Variants in USP32 observed in about 807,000 individuals in gnomAD.
USP32 encodes the protein ubiquitin carboxyl-terminal hydrolase 32.
Under a neutral mutation model 204.8 loss-of-function variants are expected in USP32, and 59 were observed. The observed-to-expected ratio is 0.29, with a 90% CI of 0.23 to 0.36. USP32 has a LOEUF of 0.36. Among genes scored for constraint, USP32 ranks in the 10% least tolerant of loss-of-function variants. USP32 has a pLI of 1.00. For synonymous variants in USP32, 517 were observed against 678.4 expected (o/e 0.76, Z 3.70); for missense variants, 1,160 against 1,946.4 (o/e 0.60, Z 7.60).
intron 9 of USP32, among the ~76,000 whole-genome samples, chr17:60,259,243 C>A (rs1452666944): frequency 6.6e-6 from 1 of 152,088 alleles, no homozygotes. Flanking sequence ...AACCTGCGGT[C>A]TCTTTAGTTT....
intron 5 of USP32, among the ~76,000 whole-genome samples, chr17:60,273,790 T>C (rs1473689925): frequency 6.6e-6 from 1 of 151,782 alleles, no homozygotes; most frequent in Non-Finnish European, 1.5e-5. Context: ...GAAACCCCCA[T>C]CGCTACTAAA....
chr17:60,371,275 A>T (rs1260792666), intron 1 of USP32, among the ~76,000 whole-genome samples: 2 of 150,100 alleles, frequency 1.3e-5, no homozygotes, highest in Admixed American at 6.6e-5. Flanking sequence ...AAAAAAAAAA[A>T]AAATTAAATG....
intron 2 of USP32, among the ~76,000 whole-genome samples, chr17:60,318,258 T>C (rs757959164): frequency 6.6e-6 from 1 of 152,220 alleles, no homozygotes; most frequent in East Asian, 1.9e-4. Flanking sequence ...TATAAAGATA[T>C]AGAAGAAGAT....
chr17:60,346,061 T>C (rs1321614180), intron 1 of USP32, among the ~76,000 whole-genome samples: 1 of 152,046 alleles, frequency 6.6e-6, no homozygotes, highest in African/African-American at 2.4e-5. Context: ...TAAAACTCTA[T>C]GACATTTAGT....
At chr17:60,294,419 T>C (rs931245717) in intron 4 of USP32, among the ~76,000 whole-genome samples, 25 of 152,026 alleles carry the variant, frequency 1.6e-4, no homozygotes, top group African/African-American at 6.0e-4. Flanking sequence ...TATTACTGTG[T>C]TAGTGTGAGT....
At chr17:60,378,881 T>C (rs2089598169) in intron 1 of USP32, among the ~76,000 whole-genome samples, 1 of 152,216 alleles carries the variant, frequency 6.6e-6, no homozygotes, top group Non-Finnish European at 1.5e-5. Context: ...TGCCACTAAT[T>C]GTACATTTTT....
At chr17:60,416,974 G>A (rs1451058699) in intron 1 of USP32, among the ~76,000 whole-genome samples, 1 of 150,072 alleles carries the variant, frequency 6.7e-6, no homozygotes, top group Non-Finnish European at 1.5e-5. Flanking sequence ...TTGGAGTACA[G>A]TGGTGTGATC....
At chr17:60,382,060 T>C (rs2089655338) in intron 1 of USP32, among the ~76,000 whole-genome samples, 1 of 152,252 alleles carries the variant, frequency 6.6e-6, no homozygotes, top group Admixed American at 6.5e-5. Flanking sequence ...CCTGACAAGA[T>C]TTAGTGTCTT....
intron 5 of USP32, among the ~76,000 whole-genome samples, chr17:60,276,967 A>ATATATATATATATATATATAT (rs1555606786): frequency 7.1e-6 from 1 of 141,272 alleles, no homozygotes; most frequent in African/African-American, 3.1e-5. Context: ...ATATATATAT[A>ATATATATATATATATATATAT]AAATTACCAA....
chr17:60,411,214 A>G (rs2090015581), intron 1 of USP32, among the ~76,000 whole-genome samples: 1 of 151,788 alleles, frequency 6.6e-6, no homozygotes, highest in Admixed American at 6.6e-5. Context: ...AATCCCAGCT[A>G]TTTGGGGGCT....
At chr17:60,266,955 A>G (rs760727401) in intron 7 of USP32, among the ~76,000 whole-genome samples, 1 of 148,600 alleles carries the variant, frequency 6.7e-6, no homozygotes, top group African/African-American at 2.5e-5. Flanking sequence ...TGCCCGGCCA[A>G]TTTTTGTATT....
At chr17:60,202,212 G>A (rs960714761) in intron 26 of USP32, among the ~76,000 whole-genome samples, 13 of 152,154 alleles carry the variant, frequency 8.5e-5, no homozygotes, top group African/African-American at 3.1e-4. Flanking sequence ...TAAATCAGGT[G>A]TTCATACATT....
intron 2 of USP32, among the ~76,000 whole-genome samples, chr17:60,315,622 T>C (rs1243686765): frequency 1.3e-5 from 2 of 152,104 alleles, no homozygotes; most frequent in East Asian, 3.8e-4. Context: ...GATACTTGTA[T>C]GCCAATATTC....
chr17:60,278,382 G>T (rs2086889836), intron 5 of USP32, among the ~76,000 whole-genome samples: 1 of 151,926 alleles, frequency 6.6e-6, no homozygotes, highest in Non-Finnish European at 1.5e-5. Context: ...TGAAAAAATA[G>T]AGAGTTTTCT....
chr17:60,275,789 G>A (rs900917978), intron 5 of USP32, among the ~76,000 whole-genome samples: 1 of 151,796 alleles, frequency 6.6e-6, no homozygotes, highest in Non-Finnish European at 1.5e-5. Flanking sequence ...TTAGCTCACT[G>A]TAACGTCTGC....
intron 3 of USP32, 21 bp from the exon 4 acceptor site, chr17:60,294,822 A>G: frequency 3.9e-6 from 6 of 1,529,290 alleles, no homozygotes; most frequent in Non-Finnish European, 5.4e-6. Context: ...GAAAGATAGA[A>G]TAAATTAATC....
At chr17:60,277,279 CAA>C (rs2086862396) in intron 5 of USP32, among the ~76,000 whole-genome samples, 1 of 152,174 alleles carries the variant, frequency 6.6e-6, no homozygotes, top group Non-Finnish European at 1.5e-5. Context: ...CAGCTGCAGA[CAA>C]CAACTCTTTA....
At chr17:60,269,694 T>C in intron 6 of USP32, 137 bp from the exon 7 acceptor site, 1 of 583,942 alleles carries the variant, frequency 1.7e-6, no homozygotes. Context: ...GTTCCTAATG[T>C]TTCAGGAAGT....
chr17:60,285,131 G>A (rs1017637846), intron 5 of USP32, among the ~76,000 whole-genome samples: 4 of 152,060 alleles, frequency 2.6e-5, no homozygotes, highest in East Asian at 1.9e-4. Flanking sequence ...CACTCTTTTC[G>A]ATATTAACAG....
Sources: gnomAD v4.1 joint callset for allele counts (sites outside exome capture counted in the v4.1 genomes callset) on GRCh38, gnomAD v4.1.1 for gene constraint, MANE v1.5 for transcripts, NCBI Gene and HGNC (gene_info 2026-07-23, HGNC 2026-07-21) for gene names.